STRN3: variants seen among roughly 807,000 people sequenced by gnomAD.
The protein encoded by STRN3 is striatin-3.
In STRN3, 29 loss-of-function variants were observed where a neutral mutation model predicts 95.6. That is an observed-to-expected ratio of 0.30 (90% CI 0.23 to 0.41). The LOEUF is 0.41. Ranked by LOEUF, STRN3 falls within the 10% of genes least tolerant of loss-of-function variation. The pLI, the probability that STRN3 is intolerant of heterozygous loss-of-function variation, is 1.00. For missense variants in STRN3, 890 were observed against 972.1 expected, an observed-to-expected ratio of 0.92 and a Z score of 1.12; for synonymous variants, 331 against 357.6, an observed-to-expected ratio of 0.93 and a Z score of 0.84.
chr14:30,919,856 T>C (rs895469753), intron 8 of STRN3, among the ~76,000 whole-genome samples: 6 of 152,146 alleles, frequency 3.9e-5, no homozygotes, highest in African/African-American at 1.4e-4. Flanking sequence ...TTCTGTACCA[T>C]TGTGGAATAT....
At chr14:31,025,691 T>G in intron 1 of STRN3, 1 of 718,400 alleles carries the variant, frequency 1.4e-6, no homozygotes, top group Non-Finnish European at 2.2e-6. Flanking sequence ...CCGCACCGCG[T>G]AGCCAGTGAA....
At chr14:30,924,822 C>G (rs139655433) in intron 8 of STRN3, among the ~76,000 whole-genome samples, 1 of 151,920 alleles carries the variant, frequency 6.6e-6, no homozygotes, top group Non-Finnish European at 1.5e-5. Context: ...GTACTCCATC[C>G]GAGGCAGCAG....
chr14:30,995,792 G>A (rs999921485), intron 1 of STRN3, among the ~76,000 whole-genome samples: 9 of 152,138 alleles, frequency 5.9e-5, no homozygotes, highest in Non-Finnish European at 2.9e-5. Flanking sequence ...AAACTCACAC[G>A]AGGCTACATG....
At chr14:30,897,245 C>A (rs1252341430) in intron 16 of STRN3, among the ~76,000 whole-genome samples, 2 of 151,978 alleles carry the variant, frequency 1.3e-5, no homozygotes, top group Non-Finnish European at 2.9e-5. Flanking sequence ...TACAAAACCA[C>A]AACATAATAA....
intron 1 of STRN3, among the ~76,000 whole-genome samples, chr14:30,983,007 G>C (rs1020988154): frequency 1.3e-5 from 2 of 152,054 alleles, no homozygotes; most frequent in Non-Finnish European, 2.9e-5. Context: ...CTACCAAAAT[G>C]CTCCATAAAA....
intron 1 of STRN3, among the ~76,000 whole-genome samples, chr14:31,000,124 TA>T (rs540632423): frequency 7.0e-4 from 106 of 152,086 alleles, no homozygotes; most frequent in Non-Finnish European, 1.3e-3. Context: ...AAAGAAATAC[TA>T]AAGGGAGTCT....
chr14:31,007,918 C>T (rs769628192), intron 1 of STRN3, among the ~76,000 whole-genome samples: 3 of 152,028 alleles, frequency 2.0e-5, no homozygotes, highest in Admixed American at 6.6e-5. Flanking sequence ...TTGGGCCTGG[C>T]GTGGTGGCTC....
intron 1 of STRN3, among the ~76,000 whole-genome samples, chr14:30,963,314 G>C (rs1462980756): frequency 2.0e-5 from 3 of 152,152 alleles, no homozygotes; most frequent in African/African-American, 7.2e-5. Context: ...CACATATGCA[G>C]AACACTTTAC....
At chr14:31,013,288 A>G (rs1375128922) in intron 1 of STRN3, among the ~76,000 whole-genome samples, 1 of 151,968 alleles carries the variant, frequency 6.6e-6, no homozygotes, top group East Asian at 1.9e-4. Context: ...TGGGAGGATC[A>G]ATTGAGCCCA....
chr14:30,913,091 T>A (rs1444190856), intron 10 of STRN3, among the ~76,000 whole-genome samples: 1 of 152,166 alleles, frequency 6.6e-6, no homozygotes, highest in Non-Finnish European at 1.5e-5. Context: ...ATTCAGGAAA[T>A]GATGCAAGCT....
intron 2 of STRN3, 58 bp downstream of exon 2, chr14:30,956,081 T>G: frequency 2.8e-6 from 4 of 1,437,464 alleles, no homozygotes; most frequent in Non-Finnish European, 3.9e-6. Flanking sequence ...AGTACAATGG[T>G]ATACATGAGT....
intron 1 of STRN3, among the ~76,000 whole-genome samples, chr14:30,989,180 C>G (rs1283501271): frequency 6.6e-6 from 1 of 152,154 alleles, no homozygotes; most frequent in African/African-American, 2.4e-5. Context: ...TTCTTTGGCC[C>G]ACTAAGCAAT....
chr14:30,900,443 C>CGGGGGGGGGGGGGGGGGGGGGG (rs71112349), intron 16 of STRN3, among the ~76,000 whole-genome samples: 1 of 52,368 alleles, frequency 1.9e-5, no homozygotes, highest in African/African-American at 8.9e-5. Flanking sequence ...GGGTGTGGGG[C>CGGGGGGGGGGGGGGGGGGGGGG]GGGGGGGGGC....
At chr14:30,928,388 T>C (rs1479014843) in intron 8 of STRN3, among the ~76,000 whole-genome samples, 2 of 146,074 alleles carry the variant, frequency 1.4e-5, no homozygotes, top group African/African-American at 4.9e-5. Flanking sequence ...ATAGTCAAAA[T>C]GTTAGACAAG....
At chr14:30,947,931 C>T (rs1366633931) in intron 4 of STRN3, among the ~76,000 whole-genome samples, 4 of 151,974 alleles carry the variant, frequency 2.6e-5, no homozygotes, top group African/African-American at 9.7e-5. Context: ...ATTTAAGAGG[C>T]TAATGAAGGA....
chr14:30,956,045 C>T, intron 2 of STRN3, 94 bp downstream of exon 2: 1 of 1,048,734 alleles, frequency 9.5e-7, no homozygotes, highest in Non-Finnish European at 1.4e-6. Flanking sequence ...GGATTTGTAC[C>T]TTTCAAAAAA....
intron 15 of STRN3, 100 bp from the exon 16 acceptor site, chr14:30,902,743 A>G (rs2138957084): frequency 3.8e-6 from 3 of 792,152 alleles, no homozygotes; most frequent in Admixed American, 6.3e-5. Context: ...ATCATTAAAA[A>G]CTAAACCTTT....
intron 1 of STRN3, among the ~76,000 whole-genome samples, chr14:30,975,676 T>C (rs1372861824): frequency 6.6e-6 from 1 of 151,720 alleles, no homozygotes; most frequent in Non-Finnish European, 1.5e-5. Context: ...AAACTTTTAT[T>C]TAAAAAATTA....
chr14:31,010,976 T>C (rs1882944225), intron 1 of STRN3, among the ~76,000 whole-genome samples: 2 of 152,138 alleles, frequency 1.3e-5, no homozygotes, highest in South Asian at 4.1e-4. Context: ...GCAGCAGAGG[T>C]TGCAGTGAGC....
Sources: allele counts gnomAD v4.1 joint callset (sites outside exome capture counted in the v4.1 genomes callset), GRCh38; gene constraint gnomAD v4.1.1; transcripts MANE v1.5; gene names NCBI Gene and HGNC (gene_info 2026-07-23, HGNC 2026-07-21).